Variants in BRAF observed in about 807,000 individuals in gnomAD.
BRAF encodes the protein B-Raf proto-oncogene, serine/threonine kinase, also known as serine/threonine-protein kinase B-raf.
In BRAF, 16 loss-of-function variants were observed where a neutral mutation model predicts 104.6. The observed-to-expected ratio is 0.15, with a 90% CI of 0.10 to 0.23. The LOEUF (loss-of-function observed/expected upper bound fraction) is 0.23. Among genes scored for constraint, BRAF ranks in the 10% least tolerant of loss-of-function variants. The probability of loss-of-function intolerance (pLI) is 1.00; values close to 1 mark genes in which losing one functional copy is unlikely to be tolerated. For synonymous variants in BRAF, 310 were observed against 341.6 expected (o/e 0.91, Z 1.02); for missense variants, 541 against 937.3 (o/e 0.58, Z 5.52).
At chr7:140,915,907 C>T (rs1454050270) in intron 1 of BRAF, among the ~76,000 whole-genome samples, 1 of 151,874 alleles carries the variant, frequency 6.6e-6, no homozygotes, top group Non-Finnish European at 1.5e-5. Flanking sequence ...GCCTGTAATC[C>T]CAGCACTCTG....
In BRAF at chr7:140,720,035, G is replaced by C; in HGVS notation, c.*6459C>G. On this transcript the variant is annotated 3_prime_UTR_variant, in exon 20 of 20. Transcript: ENST00000644969. ...CATGTCCTCAAACCAAGGAATACAT[G>C]AAAAGGGGGGATTTCCTTTTTCTTG... 9.4e-7 allele frequency: 1 copy of C among 1,061,580 alleles called. No homozygotes were observed. The highest frequency in any genetic ancestry group is 1.1e-6 in the Non-Finnish European group (1 of 876,962). 65.8% of individuals were successfully genotyped at this position (1,061,580 alleles called of 1,614,324 possible). A position where few individuals can be genotyped will look rare whatever the true frequency, so the allele number is the denominator to read the frequency against.
At chr7:140,739,586 T>A (rs1367944488) in intron 18 of BRAF, among the ~76,000 whole-genome samples, 1 of 152,030 alleles carries the variant, frequency 6.6e-6, no homozygotes, top group Non-Finnish European at 1.5e-5. Context: ...GTCTGAGAAC[T>A]GATGGACAAA....
chr7:140,791,842 C>A (rs1451556014), intron 8 of BRAF, among the ~76,000 whole-genome samples: 1 of 152,204 alleles, frequency 6.6e-6, no homozygotes, highest in East Asian at 1.9e-4. Context: ...ATTTTTCACT[C>A]CTCTCCTCTA....
chr7:140,920,984 T>C (rs1371570962), intron 1 of BRAF, among the ~76,000 whole-genome samples: 1 of 152,212 alleles, frequency 6.6e-6, no homozygotes, highest in Non-Finnish European at 1.5e-5. Flanking sequence ...AGATGTATTT[T>C]AATACAGTGG....
At chr7:140,914,967 G>T (rs1473411367) in intron 1 of BRAF, among the ~76,000 whole-genome samples, 7 of 65,394 alleles carry the variant, frequency 1.1e-4, no homozygotes, top group African/African-American at 1.6e-4. Context: ...TTGAACCCGG[G>T]GGGGGGGGGG....
chr7:140,829,438 A>G (rs2129059010), intron 3 of BRAF, among the ~76,000 whole-genome samples: 1 of 151,406 alleles, frequency 6.6e-6, no homozygotes, highest in South Asian at 2.1e-4. Flanking sequence ...TTTCTTCTAC[A>G]TATGCCAGCA....
chr7:140,774,088 T>C (rs894526170), intron 14 of BRAF, among the ~76,000 whole-genome samples: 1 of 152,224 alleles, frequency 6.6e-6, no homozygotes, highest in African/African-American at 2.4e-5. Flanking sequence ...TTGTATGTTA[T>C]GATCTTACAA....
intron 1 of BRAF, among the ~76,000 whole-genome samples, chr7:140,881,689 T>C (rs1225476854): frequency 2.6e-5 from 4 of 152,232 alleles, no homozygotes; most frequent in Non-Finnish European, 5.9e-5. Flanking sequence ...TAATCATTTC[T>C]AGCTTTTGAT....
At chr7:140,775,349 C>CTTT (rs760401887) in intron 14 of BRAF, among the ~76,000 whole-genome samples, 1 of 141,940 alleles carries the variant, frequency 7.0e-6, no homozygotes, top group Non-Finnish European at 1.6e-5. Context: ...GATTTTAATT[C>CTTT]TTTTTTTTTT....
At chr7:140,787,926 C>G (rs1018241415) in intron 8 of BRAF, among the ~76,000 whole-genome samples, 2 of 152,060 alleles carry the variant, frequency 1.3e-5, no homozygotes, top group African/African-American at 4.8e-5. Context: ...TAAGTGGGAG[C>G]TGAATGATAA....
At chr7:140,746,989 G>GA (rs1797406940) in intron 17 of BRAF, among the ~76,000 whole-genome samples, 1 of 152,194 alleles carries the variant, frequency 6.6e-6, no homozygotes, top group Admixed American at 6.5e-5. Context: ...CTATGGGTAT[G>GA]AGAGTCTAGG....
At position 140,734,684 on chromosome 7, in the gene BRAF, G is replaced by A. The variant is rs1425494134; in HGVS notation, c.2334C>T (p.Phe778=). ...CATATAGACTAAAATCCTCTGTTTG[G>A]AAACCAGCCCGATTCAAGGAGGGTT... ...ASEPSLNRAG[F]QTEDFSLYAC... The change falls in exon 19 of 20, where the codon TTC becomes TTT. Residue 778 remains phenylalanine, a synonymous_variant. Transcript: ENST00000644969. 5 of 1,610,712 alleles carry A rather than the reference G, an allele frequency of 3.1e-6. No homozygotes were observed. Among genetic ancestry groups the A allele is most frequent in the Admixed American group, 1.7e-5 (1 of 59,358 alleles).
intron 1 of BRAF, among the ~76,000 whole-genome samples, chr7:140,897,493 C>CTT (rs1177553423): frequency 1.4e-3 from 148 of 105,694 alleles, no homozygotes; most frequent in Middle Eastern, 5.9e-3. Flanking sequence ...TTTCTTTTTT[C>CTT]TTTTTTTTTT....
chr7:140,921,821 T>G (rs1288283483), intron 1 of BRAF, among the ~76,000 whole-genome samples: 17 of 151,964 alleles, frequency 1.1e-4, no homozygotes, highest in African/African-American at 7.2e-5. Context: ...AAACCTACAT[T>G]TTACTGTTAG....
In BRAF at chr7:140,720,878, T is replaced by G; in HGVS notation, c.*5616A>C. On this transcript the variant is annotated 3_prime_UTR_variant, in exon 20 of 20. Coordinates refer to ENST00000644969, the MANE Select transcript of BRAF (RefSeq NM_001374258.1). ...CCAATCCCACCCGTCAACAGACCCTTCCTTTGCGGCATCTCTTCACAAATT... is the reference window on the plus strand; with the variant it reads ...CCAATCCCACCCGTCAACAGACCCTGCCTTTGCGGCATCTCTTCACAAATT... 9.4e-7 allele frequency: 1 copy of G among 1,066,188 alleles called. No homozygotes were observed. The highest frequency in any genetic ancestry group is 1.1e-6 in the Non-Finnish European group (1 of 879,822). 66.0% of individuals were successfully genotyped at this position (1,066,188 alleles called of 1,614,324 possible).
At chr7:140,840,385 C>T (rs1256932440) in intron 2 of BRAF, among the ~76,000 whole-genome samples, 1 of 106,316 alleles carries the variant, frequency 9.4e-6, no homozygotes, top group Non-Finnish European at 1.7e-5. Context: ...AATTGGAATT[C>T]CATCCACATT....
intron 1 of BRAF, among the ~76,000 whole-genome samples, chr7:140,884,526 G>A (rs374080646): frequency 3.1e-4 from 47 of 150,686 alleles, no homozygotes; most frequent in African/African-American, 1.0e-3. Flanking sequence ...CTGTAGCCCA[G>A]GCAGGAATGT....
chr7:140,910,183 T>C (rs1257541326), intron 1 of BRAF, among the ~76,000 whole-genome samples: 1 of 152,226 alleles, frequency 6.6e-6, no homozygotes, highest in African/African-American at 2.4e-5. Context: ...TTGTCAAATT[T>C]TATTTCATAC....
At chr7:140,822,684 A>T (rs1805613046) in intron 3 of BRAF, among the ~76,000 whole-genome samples, 1 of 152,190 alleles carries the variant, frequency 6.6e-6, no homozygotes, top group Non-Finnish European at 1.5e-5. Flanking sequence ...CTGTTTATGG[A>T]CATTTGGGTT....
Sources: allele counts gnomAD v4.1 joint callset (sites outside exome capture counted in the v4.1 genomes callset), GRCh38; gene constraint gnomAD v4.1.1; transcripts MANE v1.5; gene names NCBI Gene and HGNC (gene_info 2026-07-23, HGNC 2026-07-21).